The following FRMD4B variants were observed in gnomAD, a reference collection of about 807,000 sequenced individuals.
FRMD4B encodes FERM domain-containing protein 4B.
In FRMD4B, 74 loss-of-function variants were observed where a neutral mutation model predicts 141.5. That is an observed-to-expected ratio of 0.52 (90% confidence interval 0.43 to 0.63). The LOEUF (loss-of-function observed/expected upper bound fraction) is 0.63, where lower values mean the gene tolerates loss of function less well. FRMD4B is among the 30% of genes least tolerant of loss of function. FRMD4B has a pLI of 0.00. For missense variants in FRMD4B, 1,366 were observed against 1,253.4 expected, an observed-to-expected ratio of 1.09 and a Z score of -1.36; for synonymous variants, 506 against 467.9, an observed-to-expected ratio of 1.08 and a Z score of -1.05.
At chr3:69,192,539 C>T (rs939223179) in intron 17 of FRMD4B, among the ~76,000 whole-genome samples, 5 of 152,016 alleles carry the variant, frequency 3.3e-5, no homozygotes, top group African/African-American at 1.2e-4. Context: ...GTCAATTGGA[C>T]TTTAAATCCA....
At chr3:69,272,656 A>G (rs2093599939) in intron 5 of FRMD4B, among the ~76,000 whole-genome samples, 1 of 152,232 alleles carries the variant, frequency 6.6e-6, no homozygotes, top group Non-Finnish European at 1.5e-5. Flanking sequence ...GTTAGCAGAT[A>G]TTCTGAATGT....
intron 5 of FRMD4B, among the ~76,000 whole-genome samples, chr3:69,263,755 T>C (rs1365525916): frequency 6.7e-6 from 1 of 150,348 alleles, no homozygotes; most frequent in African/African-American, 2.5e-5. Flanking sequence ...AATACAAAGT[T>C]AAGAAACAAC....
chr3:69,430,952 G>A (rs544797108), intron 2 of FRMD4B, among the ~76,000 whole-genome samples: 2 of 152,200 alleles, frequency 1.3e-5, no homozygotes, highest in Admixed American at 6.5e-5. Context: ...CTCAGAGGGG[G>A]CTCCTTTAGT....
At chr3:69,363,354 G>A (rs6419767) in intron 1 of FRMD4B, among the ~76,000 whole-genome samples, 53,892 of 148,722 alleles carry the variant, frequency 0.36, 11,679 homozygotes, top group African/African-American at 0.61. Context: ...CAAAGTGTTG[G>A]GATCATAGGT....
intron 2 of FRMD4B, among the ~76,000 whole-genome samples, chr3:69,417,558 C>G (rs551918044): frequency 6.6e-6 from 1 of 152,246 alleles, no homozygotes; most frequent in South Asian, 2.1e-4. Flanking sequence ...AATTAGATCC[C>G]GTTTGTCAAT....
At chr3:69,448,010 C>T (rs1041776747) in intron 1 of FRMD4B, among the ~76,000 whole-genome samples, 1 of 151,294 alleles carries the variant, frequency 6.6e-6, no homozygotes, top group African/African-American at 2.4e-5. Flanking sequence ...CTCTCATGGA[C>T]ATTCCAATAC....
At chr3:69,434,529 T>A (rs1420732849) in intron 1 of FRMD4B, among the ~76,000 whole-genome samples, 2 of 151,830 alleles carry the variant, frequency 1.3e-5, no homozygotes, top group Non-Finnish European at 2.9e-5. Context: ...AACCCAGGAA[T>A]AGAAACAAAG....
chr3:69,309,863 C>A (rs1289106061), intron 3 of FRMD4B, among the ~76,000 whole-genome samples: 2 of 152,130 alleles, frequency 1.3e-5, no homozygotes, highest in Non-Finnish European at 2.9e-5. Flanking sequence ...TATAACCTAG[C>A]CATTGTATAT....
At chr3:69,497,861 C>T (rs1706428200) in intron 1 of FRMD4B, among the ~76,000 whole-genome samples, 1 of 152,160 alleles carries the variant, frequency 6.6e-6, no homozygotes, top group Admixed American at 6.5e-5. Context: ...TCTGGGACTA[C>T]AGGCACATGC....
chr3:69,258,056 T>C (rs916267341), intron 5 of FRMD4B, among the ~76,000 whole-genome samples: 25 of 152,298 alleles, frequency 1.6e-4, no homozygotes, highest in African/African-American at 5.8e-4. Flanking sequence ...CTCAAACTCC[T>C]GACCTCAAGT....
intron 1 of FRMD4B, among the ~76,000 whole-genome samples, chr3:69,375,164 C>T: frequency 6.6e-6 from 1 of 151,282 alleles, no homozygotes; most frequent in South Asian, 2.1e-4. Flanking sequence ...TCCATTCATC[C>T]ACCCACCCAC....
chr3:69,461,594 G>A (rs925179273), intron 1 of FRMD4B, among the ~76,000 whole-genome samples: 16 of 114,970 alleles, frequency 1.4e-4, no homozygotes, highest in Non-Finnish European at 2.1e-4. Context: ...ACTGCACTCC[G>A]CCCTGGAGGA....
intron 7 of FRMD4B, among the ~76,000 whole-genome samples, chr3:69,236,858 A>G (rs1048877795): frequency 6.6e-6 from 1 of 152,238 alleles, no homozygotes; most frequent in Non-Finnish European, 1.5e-5. Context: ...CTAGAGCTCA[A>G]GTTCACTCAA....
At chr3:69,331,235 C>A (rs1702359193) in intron 1 of FRMD4B, among the ~76,000 whole-genome samples, 1 of 152,164 alleles carries the variant, frequency 6.6e-6, no homozygotes, top group Non-Finnish European at 1.5e-5. Flanking sequence ...GGGGATTATG[C>A]AAACTCATTG....
intron 2 of FRMD4B, among the ~76,000 whole-genome samples, chr3:69,399,553 G>T (rs1355176942): frequency 6.6e-6 from 1 of 152,196 alleles, no homozygotes; most frequent in Admixed American, 6.5e-5. Flanking sequence ...CATAACTTTT[G>T]TCTGTGTTCC....
At chr3:69,216,178 A>G in intron 11 of FRMD4B, 85 bp downstream of exon 11, 1 of 751,802 alleles carries the variant, frequency 1.3e-6, no homozygotes, top group East Asian at 2.9e-5. Context: ...AAACCCCAAC[A>G]ACCTAATGGT....
rs1282447267 is a variant in FRMD4B at position 69,520,293 on chromosome 3, GAATATA to G, written c.-129+21907_-129+21912del. On this transcript the variant is annotated intron_variant, in intron 1 of 5. Transcript: ENST00000459638. Reference sequence around the variant, plus strand: ...TATGATGGAATATATATATATGATGGAATATATATATATGATGGAATATATATATAT... The same window carrying G: ...TATGATGGAATATATATATATGATGGTATATATGATGGAATATATATATAT... 3.2e-5 allele frequency among the ~76,000 whole-genome samples: 3 copies of G among 94,264 alleles called. No individual in the cohort carries two copies. The Admixed American group carries it at 3.2e-4, about 10-fold the overall frequency. The allele number at this position is 94,264 out of a possible 152,430, so 61.8% of individuals were successfully genotyped here. A position where few individuals can be genotyped will look rare whatever the true frequency, so the allele number is the denominator to read the frequency against.
intron 2 of FRMD4B, among the ~76,000 whole-genome samples, chr3:69,421,082 A>C (rs1171043008): frequency 6.6e-6 from 1 of 152,108 alleles, no homozygotes; most frequent in Non-Finnish European, 1.5e-5. Context: ...CCCAGTGTCC[A>C]CCCTACCCAT....
intron 1 of FRMD4B, among the ~76,000 whole-genome samples, chr3:69,531,579 T>C (rs1311803909): frequency 6.6e-6 from 1 of 152,238 alleles, no homozygotes; most frequent in African/African-American, 2.4e-5. Flanking sequence ...ATGTTTGCAT[T>C]GTAGGCTCTG....
Sources: gnomAD v4.1 joint callset for allele counts (sites outside exome capture counted in the v4.1 genomes callset) on GRCh38, gnomAD v4.1.1 for gene constraint, MANE v1.5 for transcripts, NCBI Gene and HGNC (gene_info 2026-07-23, HGNC 2026-07-21) for gene names.